Variants in TRIM21 observed in about 807,000 individuals in gnomAD.
The protein encoded by TRIM21 is tripartite motif containing 21.
In TRIM21, 35 loss-of-function variants were observed where a neutral mutation model predicts 36.1. That is an observed-to-expected ratio of 0.97 (90% CI 0.74 to 1.28). The LOEUF (loss-of-function observed/expected upper bound fraction) is 1.28. Among genes scored for constraint, TRIM21 ranks in the 50% most tolerant of loss-of-function variants. The probability of loss-of-function intolerance (pLI) is 0.00; values close to 1 mark genes in which losing one functional copy is unlikely to be tolerated. For missense variants in TRIM21, 635 were observed against 570.7 expected (o/e 1.11, Z -1.15); for synonymous variants, 256 against 211.5 (o/e 1.21, Z -1.83).
rs1386459548 is a variant in TRIM21, at chr11:4,384,923, T to C, written c.*362A>G. ...ACAGTTTTTTAAATTTTATTTTTTATTTTTAGGAAGCCCTTTTGCAAACCA... is the reference window on the plus strand; with the variant it reads ...ACAGTTTTTTAAATTTTATTTTTTACTTTTAGGAAGCCCTTTTGCAAACCA... On this transcript the variant is annotated 3_prime_UTR_variant, in exon 7 of 7. Coordinates refer to ENST00000254436, the MANE Select transcript of TRIM21 (RefSeq NM_003141.4). The C allele has an allele frequency of 5.1e-6, 1 of 196,080 alleles. No individual in the cohort carries two copies. The highest frequency in any genetic ancestry group is 1.0e-5 in the Non-Finnish European group (1 of 96,900). The allele number at this position is 196,080 out of a possible 1,614,324, so 12.1% of individuals were successfully genotyped here.
chr11:4,386,147 CT>C lies in TRIM21; in HGVS notation c.859+9del. On this transcript the variant is annotated intron_variant, in intron 6 of 6. Coordinates refer to ENST00000254436, the MANE Select transcript of TRIM21 (RefSeq NM_003141.4). ...CCCATTATCCCCCGCAAAACTAGAA[CT>C]TGCCTCACCTGCACATGTCCTCAGC... 6.2e-7 allele frequency: 1 copy of C among 1,612,502 alleles called. No homozygotes were observed. The highest frequency in any genetic ancestry group is 8.5e-7 in the Non-Finnish European group (1 of 1,179,672).
chr11:4,389,828 G>T, intron 2 of TRIM21, 79 bp from the exon 3 acceptor site: 1 of 1,498,026 alleles, frequency 6.7e-7, no homozygotes, highest in Non-Finnish European at 9.3e-7. Context: ...ATTTTCTCAT[G>T]CATATCTCCT....
intron 3 of TRIM21, 147 bp from the exon 4 acceptor site, chr11:4,388,677 GCACACACA>G (rs145832441): frequency 9.1e-6 from 6 of 662,700 alleles, no homozygotes; most frequent in Non-Finnish European, 1.5e-5. Flanking sequence ...GCACACGCGC[GCACACACA>G]CACACACACA....
chr11:4,389,840 C>T (rs776325237), intron 2 of TRIM21, 91 bp from the exon 3 acceptor site: 120 of 1,488,720 alleles, frequency 8.1e-5, no homozygotes, highest in African/African-American at 1.8e-4. Context: ...ATATCTCCTA[C>T]GCCTGGGGAA....
At chr11:4,393,568 C>T (rs2094965806) in intron 1 of TRIM21, 65 bp downstream of exon 1, 2 of 152,616 alleles carry the variant, frequency 1.3e-5, no homozygotes, top group African/African-American at 4.8e-5. Flanking sequence ...CTCTGCAACC[C>T]TGGGGCAGGG....
Position 4,385,645 on chromosome 11 carries a change from C to G in TRIM21, c.1068G>C (p.Leu356=). ...VDVTGKEAWD[L]GVCRDSVRRK... The stretch of plus-strand genomic sequence containing the variant: ...TGCGCACAGAGTCTCTGCAGACACC[C>G]AGGTCCCAGGCCTCCTTTCCTGTCA... The change falls in exon 7 of 7, where the codon CTG becomes CTC. Residue 356 remains leucine, a synonymous_variant. Coordinates refer to ENST00000254436, the MANE Select transcript of TRIM21 (RefSeq NM_003141.4). The G allele has an allele frequency of 6.2e-7, 1 of 1,612,990 alleles. No homozygotes were observed. The highest frequency in any genetic ancestry group is 8.5e-7 in the Non-Finnish European group (1 of 1,179,506).
chr11:4,388,661 G>GCA (rs2094959303), intron 3 of TRIM21, 131 bp from the exon 4 acceptor site: 5 of 814,860 alleles, frequency 6.1e-6, no homozygotes, highest in Non-Finnish European at 8.0e-6. Flanking sequence ...ACACACACAT[G>GCA]CACACGCACA....
At chr11:4,387,902 A>C (rs547926696) in intron 4 of TRIM21, among the ~76,000 whole-genome samples, 39 of 152,330 alleles carry the variant, frequency 2.6e-4, no homozygotes, top group Non-Finnish European at 5.1e-4. Flanking sequence ...CTGTCAAGTC[A>C]ACCCAATACA....
chr11:4,387,052 C>T, intron 4 of TRIM21, 62 bp from the exon 5 acceptor site: 1 of 1,526,812 alleles, frequency 6.5e-7, no homozygotes, highest in South Asian at 1.2e-5. Context: ...AGACATCAGC[C>T]CTGTGGGTGA....
At chr11:4,389,220 T>C (rs1019779211) in intron 3 of TRIM21, among the ~76,000 whole-genome samples, 1 of 152,158 alleles carries the variant, frequency 6.6e-6, no homozygotes, top group African/African-American at 2.4e-5. Flanking sequence ...AGAGATCTGG[T>C]CATGGTCAAG....
chr11:4,385,602 G>C lies in TRIM21; in HGVS notation c.1111C>G (p.Leu371Val), dbSNP rs1480429380. Residue 371 changes from leucine to valine, a missense_variant, in exon 7 of 7, where the codon CTT becomes GTT. Leu to Val is a conservative substitution (Grantham distance 32). Transcript: ENST00000254436. ...DSVRRKGHFL[L>V]SSKSGFWTIW... ...GTCCAGAAGCCACTCTTGGAACTAA[G>C]CAAAAAGTGCCCCTTCCTGCGCACA... 30 of 1,612,908 alleles carry C rather than the reference G, an allele frequency of 1.9e-5. No individual in the cohort carries two copies. Among genetic ancestry groups the C allele is most frequent in the Non-Finnish European group, 2.5e-5 (29 of 1,179,458 alleles).
At chr11:4,389,133 C>A (rs1442564944) in intron 3 of TRIM21, among the ~76,000 whole-genome samples, 1 of 152,200 alleles carries the variant, frequency 6.6e-6, no homozygotes, top group Non-Finnish European at 1.5e-5. Flanking sequence ...TCTCCCCTCT[C>A]ATCCCTGACA....
Position 4,386,948 on chromosome 11 carries a change from C to CAAAG in TRIM21, c.758+16_758+19dup, listed in dbSNP as rs762673562. 6 of 1,580,056 alleles carry CAAAG rather than the reference C, an allele frequency of 3.8e-6. No individual in the cohort carries two copies. In the East Asian group the frequency reaches 1.1e-4, roughly 30 times the overall value. On this transcript the variant is annotated intron_variant, in intron 5 of 6. Transcript: ENST00000254436. ...TGCTTTCTGCTGGCCCCTCTTCTAA[C>CAAAG]AAAGAAAACTCCTCCTTACCTTTCC...
chr11:4,393,079 A>G (rs963851318), intron 1 of TRIM21, among the ~76,000 whole-genome samples: 15 of 152,174 alleles, frequency 9.9e-5, no homozygotes, highest in Admixed American at 9.8e-4. Flanking sequence ...GCTGCTCCAA[A>G]CTTAGTTTAG....
Position 4,390,061 on chromosome 11 carries a change from A to T in TRIM21, c.349T>A (p.Ser117Thr). ...GKALCWVCAQ[S>T]RKHRDHAMVP... The stretch of plus-strand genomic sequence containing the variant: ...ATGGCGTGGTCACGGTGTTTCCGAG[A>T]CTGGGCACATACCCAGCAAAGGGCC... Residue 117 changes from serine to threonine, a missense_variant, in exon 2 of 7, where the codon TCT (serine) becomes ACT (threonine). Ser to Thr is a moderately conservative substitution (Grantham distance 58, BLOSUM62 1). Transcript: ENST00000254436. 6.2e-7 allele frequency: 1 copy of T among 1,613,968 alleles called. No homozygotes were observed. The highest frequency in any genetic ancestry group is 8.5e-7 in the Non-Finnish European group (1 of 1,179,886).
Position 4,390,163 on chromosome 11 carries a change from C to A in TRIM21, c.247G>T (p.Ala83Ser). ...CGTTCCCCCTGTGTGCCCTCTCTGGCCTCCTGGCTGATTTCTTTAAGGTTG... is the reference window on the plus strand; with the variant it reads ...CGTTCCCCCTGTGTGCCCTCTCTGGACTCCTGGCTGATTTCTTTAAGGTTG... ...VNNLKEISQE[A>S]REGTQGERCA... The change falls in exon 2 of 7, where the codon GCC becomes TCC. Residue 83 changes from alanine (A) to serine (S), a missense_variant. Physicochemically the swap from Ala to Ser is moderately conservative, Grantham distance 99. Coordinates refer to ENST00000254436, the MANE Select transcript of TRIM21 (RefSeq NM_003141.4). 1.2e-6 allele frequency: 2 copies of A among 1,614,054 alleles called. No homozygotes were observed. The highest frequency in any genetic ancestry group is 1.7e-6 in the Non-Finnish European group (2 of 1,179,892).
Position 4,385,660 on chromosome 11 carries a change from C to T in TRIM21, c.1053G>A (p.Lys351=). ...TGCAGACACCCAGGTCCCAGGCCTC[C>T]TTTCCTGTCACATCTACCTCCCAGT... The part of the protein sequence containing the change: ...KHYWEVDVTG[K]EAWDLGVCRD... The change falls in exon 7 of 7, where the codon AAG becomes AAA. Residue 351 remains lysine, a synonymous_variant. Transcript: ENST00000254436. 2 of 1,613,258 alleles carry T rather than the reference C, an allele frequency of 1.2e-6. No homozygotes were observed. The highest frequency in any genetic ancestry group is 1.7e-6 in the Non-Finnish European group (2 of 1,179,618).
intron 1 of TRIM21, among the ~76,000 whole-genome samples, 190 bp downstream of exon 1, chr11:4,393,443 C>A (rs1485249950): frequency 6.6e-6 from 1 of 152,186 alleles, no homozygotes; most frequent in Non-Finnish European, 1.5e-5. Flanking sequence ...GTCCACACCC[C>A]AGCCTCCTCC....
chr11:4,389,956 C>G, intron 2 of TRIM21, 46 bp downstream of exon 2: 6 of 1,597,982 alleles, frequency 3.8e-6, no homozygotes, highest in Non-Finnish European at 5.1e-6. Context: ...TCTCCCATTC[C>G]CTGCTCTGAA....
Sources: gnomAD v4.1 joint callset for allele counts (sites outside exome capture counted in the v4.1 genomes callset) on GRCh38, gnomAD v4.1.1 for gene constraint, MANE v1.5 for transcripts, NCBI Gene and HGNC (gene_info 2026-07-23, HGNC 2026-07-21) for gene names.